DOK6: variants seen among roughly 807,000 people sequenced by gnomAD.
DOK6 encodes docking protein 6, also known as downstream of tyrosine kinase 6.
Under a neutral mutation model 44.0 loss-of-function variants are expected in DOK6, and 22 were observed. The observed-to-expected ratio is 0.50, with a 90% confidence interval of 0.36 to 0.71. The LOEUF (loss-of-function observed/expected upper bound fraction) is 0.71, where lower values mean the gene tolerates loss of function less well. Among genes scored for constraint, DOK6 ranks in the 30% least tolerant of loss-of-function variants. The probability of loss-of-function intolerance (pLI) is 0.00; values close to 1 mark genes in which losing one functional copy is unlikely to be tolerated. For synonymous variants in DOK6, 166 were observed against 145.5 expected, an observed-to-expected ratio of 1.14 and a Z score of -1.01; for missense variants, 340 against 416.4, an observed-to-expected ratio of 0.82 and a Z score of 1.60.
chr18:69,474,150 G>T (rs1184731051), intron 1 of DOK6, among the ~76,000 whole-genome samples: 1 of 151,778 alleles, frequency 6.6e-6, no homozygotes, highest in African/African-American at 2.4e-5. Context: ...TGTCCTTGGT[G>T]AGGGGGGGCC....
intron 1 of DOK6, among the ~76,000 whole-genome samples, chr18:69,454,781 T>C (rs908382223): frequency 4.9e-5 from 7 of 143,856 alleles, no homozygotes; most frequent in African/African-American, 1.8e-4. Context: ...AAATTGGAAA[T>C]CATCATTCTC....
At chr18:69,451,729 A>C (rs1304635740) in intron 1 of DOK6, among the ~76,000 whole-genome samples, 39 of 119,322 alleles carry the variant, frequency 3.3e-4, no homozygotes, top group Non-Finnish European at 5.6e-4. Flanking sequence ...ACCACAGTGC[A>C]ATCAAACTAG....
Position 69,554,200 on chromosome 18 carries a change from G to A in DOK6, c.67-10287G>A, listed in dbSNP as rs116102496. 3.3e-3 allele frequency among the ~76,000 whole-genome samples: 500 copies of A among 152,244 alleles called. 2 individuals are homozygous for A. The highest frequency in any genetic ancestry group is 0.011 in the African/African-American group (469 of 41,538). ...TGGAGAGTTTAAAGCAAATACTAGT[G>A]TACATGCGAATTATATCAAGAAACA... On this transcript the variant is annotated intron_variant, in intron 1 of 7. Coordinates refer to ENST00000382713, the MANE Select transcript of DOK6 (RefSeq NM_152721.6).
At chr18:69,675,477 G>A (rs995769743) in intron 3 of DOK6, among the ~76,000 whole-genome samples, 3 of 152,036 alleles carry the variant, frequency 2.0e-5, no homozygotes, top group African/African-American at 7.2e-5. Context: ...GATTTTAATT[G>A]CGTGTGACTT....
intron 6 of DOK6, among the ~76,000 whole-genome samples, chr18:69,743,965 G>A (rs926773344): frequency 6.6e-6 from 1 of 152,142 alleles, no homozygotes; most frequent in Non-Finnish European, 1.5e-5. Flanking sequence ...TTTGTCTAAT[G>A]CCTTAAAAAC....
Position 69,698,495 on chromosome 18 carries a change from G to A in DOK6, c.501G>A (p.Trp167Ter). The change falls in exon 5 of 8, where the codon TGG (tryptophan) becomes TGA (stop). Residue 167 changes from tryptophan to a stop codon, truncating the protein, a stop_gained. Transcript: ENST00000382713. LOFTEE classifies it high-confidence loss of function. ...MQITHENIYLWDIHNAKVKLV... is the reference protein window; with the variant it reads ...MQITHENIYL ...TCACTCATGAAAATATCTATCTCTG[G>A]GATATCCACAATGCCAAGGTCAAAC... is the stretch of plus-strand genomic sequence containing the variant. 6.2e-7 allele frequency: 1 copy of A among 1,614,020 alleles called. No homozygotes were observed. Among genetic ancestry groups the A allele is most frequent in the Non-Finnish European group, 8.5e-7 (1 of 1,179,940 alleles).
At chr18:69,758,608 C>T (rs1555668899) in intron 7 of DOK6, among the ~76,000 whole-genome samples, 2 of 152,130 alleles carry the variant, frequency 1.3e-5, no homozygotes, top group African/African-American at 2.4e-5. Context: ...AAGCAACTGA[C>T]TAACAGCTAG....
At chr18:69,740,648 A>G (rs11151530) in intron 6 of DOK6, among the ~76,000 whole-genome samples, 106,825 of 152,082 alleles carry the variant, frequency 0.7, 39,536 homozygotes, top group East Asian at 0.85. Flanking sequence ...TACTGGCTGT[A>G]TAATCTTGGG....
chr18:69,417,782 G>A (rs1345264837), intron 1 of DOK6, among the ~76,000 whole-genome samples: 2 of 151,932 alleles, frequency 1.3e-5, no homozygotes, highest in African/African-American at 4.8e-5. Context: ...TCTCATTGTG[G>A]TTTCTATTTG....
chr18:69,736,515 C>T (rs1234204065), intron 5 of DOK6, among the ~76,000 whole-genome samples: 1 of 152,122 alleles, frequency 6.6e-6, no homozygotes. Flanking sequence ...ATTACAATTG[C>T]AATTGTCTAC....
chr18:69,516,979 G>T (rs1293676523), intron 1 of DOK6, among the ~76,000 whole-genome samples: 1 of 151,990 alleles, frequency 6.6e-6, no homozygotes, highest in Admixed American at 6.6e-5. Context: ...ACCATGCCAG[G>T]CCTAAAAATA....
intron 1 of DOK6, among the ~76,000 whole-genome samples, chr18:69,482,085 G>A (rs200018657): frequency 0.23 from 34,687 of 151,938 alleles, 4,350 homozygotes; most frequent in East Asian, 0.53. Flanking sequence ...TTTTTTTCTT[G>A]TAAATTTGTT....
chr18:69,823,249 G>A (rs1039167442), intron 7 of DOK6, among the ~76,000 whole-genome samples: 2 of 152,160 alleles, frequency 1.3e-5, no homozygotes, highest in African/African-American at 4.8e-5. Context: ...TCTTATAGAG[G>A]AGAGACAAAA....
intron 1 of DOK6, among the ~76,000 whole-genome samples, chr18:69,410,407 T>C (rs1169404647): frequency 6.6e-6 from 1 of 152,208 alleles, no homozygotes; most frequent in Admixed American, 6.5e-5. Context: ...ATGATACTTT[T>C]TTAGGAAACA....
chr18:69,717,399 TTAA>T (rs1159971430), intron 5 of DOK6, among the ~76,000 whole-genome samples: 1 of 152,352 alleles, frequency 6.6e-6, no homozygotes, highest in East Asian at 1.9e-4. Flanking sequence ...CATATGGTAC[TTAA>T]TAAGTGCTTA....
chr18:69,602,771 C>T (rs559075661), intron 3 of DOK6, among the ~76,000 whole-genome samples: 1 of 151,960 alleles, frequency 6.6e-6, no homozygotes, highest in African/African-American at 2.4e-5. Context: ...AAAAATATAT[C>T]GATGACCTAC....
rs899991857 is a variant in DOK6, at chr18:69,848,328, T to G, written c.*6945T>G. 1.3e-5 allele frequency: 2 copies of G among 152,204 alleles called. No homozygotes were observed. Among genetic ancestry groups the G allele is most frequent in the African/African-American group, 4.8e-5 (2 of 41,446 alleles). 9.4% of individuals were successfully genotyped at this position (152,204 alleles called of 1,614,324 possible). A position where few individuals can be genotyped will look rare whatever the true frequency, so the allele number is the denominator to read the frequency against. ...TATGATCATTTTGATAAGAAATAAC[T>G]TTGGACATTAGGCCCTTGTTAAGAA... On this transcript the variant is annotated 3_prime_UTR_variant, in exon 8 of 8. Transcript: ENST00000382713.
intron 1 of DOK6, among the ~76,000 whole-genome samples, chr18:69,549,564 T>TA (rs1450925852): frequency 6.6e-6 from 1 of 151,636 alleles, no homozygotes; most frequent in East Asian, 1.9e-4. Flanking sequence ...GCATTTAATT[T>TA]AAAAAAATTG....
chr18:69,433,815 G>A (rs993953118), intron 1 of DOK6, among the ~76,000 whole-genome samples: 2 of 152,156 alleles, frequency 1.3e-5, no homozygotes, highest in Non-Finnish European at 2.9e-5. Context: ...TCAATAGAGA[G>A]CACAAATATA....
Sources: gnomAD v4.1 joint callset for allele counts (sites outside exome capture counted in the v4.1 genomes callset) on GRCh38, gnomAD v4.1.1 for gene constraint, MANE v1.5 for transcripts, NCBI Gene and HGNC (gene_info 2026-07-23, HGNC 2026-07-21) for gene names.